Variants in NPAS2 observed in about 807,000 individuals in gnomAD.
NPAS2 encodes the protein neuronal PAS domain-containing protein 2.
NPAS2 carries 23 observed loss-of-function variants against 107.5 expected under a neutral mutation model. The observed-to-expected ratio is 0.21, with a 90% CI of 0.15 to 0.30. The LOEUF (loss-of-function observed/expected upper bound fraction) is 0.30. Among genes scored for constraint, NPAS2 ranks in the 10% least tolerant of loss-of-function variants. The pLI is 1.00. For synonymous variants in NPAS2, 403 were observed against 417.5 expected (o/e 0.97, Z 0.42); for missense variants, 756 against 1,043.3 (o/e 0.72, Z 3.79).
At position 100,882,736 on chromosome 2, in the gene NPAS2, A is replaced by C. The variant is rs569645279; in HGVS notation, c.-22-21997A>C. Among the ~76,000 whole-genome samples the C allele has an allele frequency of 6.6e-5, 10 of 152,350 alleles. No homozygotes were observed. The East Asian group carries it at 1.3e-3, about 21-fold the overall frequency. On this transcript the variant is annotated intron_variant, in intron 1 of 20. Transcript: ENST00000335681. ...AAGCAAGGCGGCCCACTAGAGTGGTATGGTCAGCGACCTCTGCCTTGCCTG... is the reference window on the plus strand; with the variant it reads ...AAGCAAGGCGGCCCACTAGAGTGGTCTGGTCAGCGACCTCTGCCTTGCCTG...
intron 2 of NPAS2, among the ~76,000 whole-genome samples, chr2:100,919,038 A>G (rs1683060693): frequency 6.6e-6 from 1 of 152,246 alleles, no homozygotes; most frequent in Non-Finnish European, 1.5e-5. Flanking sequence ...ACACCCGTAC[A>G]GTAGAAAACT....
chr2:100,930,542 G>A (rs1261871348), intron 3 of NPAS2, among the ~76,000 whole-genome samples: 2 of 152,090 alleles, frequency 1.3e-5, no homozygotes, highest in Non-Finnish European at 2.9e-5. Flanking sequence ...TTGAAATTTG[G>A]AAACCACTTT....
intron 1 of NPAS2, among the ~76,000 whole-genome samples, chr2:100,847,843 A>G (rs1386833110): frequency 1.3e-5 from 2 of 152,190 alleles, no homozygotes; most frequent in Non-Finnish European, 2.9e-5. Context: ...GAAAAAGCCA[A>G]GAATAGTGTA....
chr2:100,840,586 T>A (rs1453069435), intron 1 of NPAS2, among the ~76,000 whole-genome samples: 1 of 149,832 alleles, frequency 6.7e-6, no homozygotes, highest in African/African-American at 2.5e-5. Context: ...CTGGACAATC[T>A]TCTCTCCACA....
chr2:100,958,507 C>G lies in NPAS2; in HGVS notation c.599-5551C>G, dbSNP rs75230124. On this transcript the variant is annotated intron_variant, in intron 7 of 20. Transcript: ENST00000335681. ...GTGTCCCCTCCACCCAGCAAAGAAT[C>G]AGGCCGTCCTTCCCCTGCAGGGGTC... is the stretch of plus-strand genomic sequence containing the variant. 1.6e-3 allele frequency among the ~76,000 whole-genome samples: 251 copies of G among 152,296 alleles called. 2 individuals carry two copies. The East Asian group carries it at 0.045, about 27-fold the overall frequency.
At chr2:100,873,305 TATACACACACACACACACACACAC>T (rs1350063847) in intron 1 of NPAS2, among the ~76,000 whole-genome samples, 9 of 38,266 alleles carry the variant, frequency 2.4e-4, no homozygotes, top group African/African-American at 8.3e-4. Flanking sequence ...TATATATATA[TATACACACACACACACACACACAC>T]ACACACACAC....
rs552726306 is a variant in NPAS2 at position 100,974,861 on chromosome 2, C to G, written c.1199C>G (p.Ser400Trp). ...TTTAACACACTCGACGTGGGTGCCT[C>G]GGGCCTTAATACCAGTCATTCGCCA... ...QHFNTLDVGA[S>W]GLNTSHSPSA... Residue 400 changes from serine (S) to tryptophan (W), a missense_variant, in exon 13 of 21, where the codon TCG becomes TGG. Physicochemically the swap from Ser to Trp is radical, Grantham distance 177. This residue lies in a region of NPAS2 where 496 missense variants were observed against 594.4 expected (regional missense o/e 0.83). Transcript: ENST00000335681. 5.0e-6 allele frequency: 8 copies of G among 1,613,996 alleles called. No individual in the cohort carries two copies. The highest frequency in any genetic ancestry group is 6.8e-6 in the Non-Finnish European group (8 of 1,180,000).
intron 16 of NPAS2, chr2:100,986,501 C>G (rs773135201): frequency 1.3e-5 from 2 of 152,220 alleles, no homozygotes; most frequent in Non-Finnish European, 2.9e-5. Context: ...AGCCAGAGAG[C>G]CTTCCCCCTA....
intron 1 of NPAS2, among the ~76,000 whole-genome samples, chr2:100,848,236 T>G (rs1251421524): frequency 2.6e-5 from 4 of 152,186 alleles, no homozygotes; most frequent in South Asian, 2.1e-4. Flanking sequence ...CAAAGTCCGG[T>G]GGGTCCTCAG....
chr2:100,921,622 C>T lies in NPAS2; in HGVS notation c.33-3524C>T, dbSNP rs74339479. On this transcript the variant is annotated intron_variant, in intron 2 of 20. Transcript: ENST00000335681. ...AAAATAGGCAGAAGATTTGAACAAA[C>T]GCCTCACAAAATAAGATACATAAAT... Among the ~76,000 whole-genome samples the T allele has an allele frequency of 7.6e-3, 1,154 of 152,226 alleles. 12 individuals carry two copies. Among genetic ancestry groups the T allele is most frequent in the African/African-American group, 0.026 (1,081 of 41,516 alleles).
At chr2:100,848,848 A>T (rs972097009) in intron 1 of NPAS2, among the ~76,000 whole-genome samples, 1 of 152,232 alleles carries the variant, frequency 6.6e-6, no homozygotes, top group Non-Finnish European at 1.5e-5. Flanking sequence ...AAATAATTCT[A>T]TTTGGGGAAA....
intron 1 of NPAS2, among the ~76,000 whole-genome samples, chr2:100,898,306 A>G (rs191193237): frequency 4.5e-4 from 69 of 152,172 alleles, no homozygotes; most frequent in African/African-American, 1.6e-3. Context: ...TCATGCCCCA[A>G]CCTCCCAAAG....
At chr2:100,819,344 T>C (rs187827929), upstream of NPAS2, among the ~76,000 whole-genome samples, 74 of 152,230 alleles carry the variant, frequency 4.9e-4, 1 homozygote, top group East Asian at 0.014. The surrounding 1 kb of genome is among the most constrained non-coding windows in gnomAD (Gnocchi z 5.8). Context: ...AGCCGGTTCC[T>C]TTCCATCCTT....
intron 7 of NPAS2, among the ~76,000 whole-genome samples, chr2:100,963,428 CAG>C (rs1334567484): frequency 1.4e-5 from 2 of 144,762 alleles, no homozygotes; most frequent in Non-Finnish European, 2.9e-5. Context: ...TGTTTGGAGA[CAG>C]AGTCTTACTG....
chr2:100,859,250 G>A (rs983780754), intron 1 of NPAS2, among the ~76,000 whole-genome samples: 79 of 152,118 alleles, frequency 5.2e-4, no homozygotes, highest in African/African-American at 1.6e-3. Context: ...GTGACAGAGC[G>A]AGACTCCATC....
chr2:100,950,394 A>T (rs1675152063), intron 7 of NPAS2, among the ~76,000 whole-genome samples: 1 of 152,162 alleles, frequency 6.6e-6, no homozygotes, highest in Non-Finnish European at 1.5e-5. Context: ...TGAGGGGGAG[A>T]TGCAGAGAGC....
At chr2:100,821,147 C>G (rs1013068502) in intron 1 of NPAS2, 1 of 1,304,774 alleles carries the variant, frequency 7.7e-7, no homozygotes, top group Admixed American at 2.3e-5. Context: ...CACCACCCGG[C>G]TAAATTCAGA....
In NPAS2 at chr2:100,964,923, A is replaced by G. The variant is rs1278864704; in HGVS notation, c.780A>G (p.Lys260=). ...CTTCAAGGCATAGCTTGGAATGGAA[A>G]TTTTTATTTCTGGATCACAGGTTTG... ...EFTSRHSLEW[K]FLFLDHRAPP... Residue 260 remains lysine (K), a synonymous_variant, in exon 9 of 21, where the codon AAA becomes AAG. Coordinates refer to ENST00000335681, the MANE Select transcript of NPAS2 (RefSeq NM_002518.4). 4 of 1,576,370 alleles carry G rather than the reference A, an allele frequency of 2.5e-6. No homozygotes were observed. Among genetic ancestry groups the G allele is most frequent in the Non-Finnish European group, 3.4e-6 (4 of 1,170,028 alleles).
chr2:100,977,400 G>A (rs1677089442), intron 14 of NPAS2, among the ~76,000 whole-genome samples: 1 of 152,188 alleles, frequency 6.6e-6, no homozygotes, highest in African/African-American at 2.4e-5. Context: ...TCCACCCAGG[G>A]CGGAGTCCAG....
Sources: gnomAD v4.1 joint callset for allele counts (sites outside exome capture counted in the v4.1 genomes callset) on GRCh38, gnomAD v4.1.1 for gene constraint, gnomAD v4.1.1 regional missense constraint, Gnocchi (gnomAD v3.1) non-coding constraint, MANE v1.5 for transcripts, NCBI Gene and HGNC (gene_info 2026-07-23, HGNC 2026-07-21) for gene names.